The following SLC9A3 variants were observed in gnomAD, a reference collection of about 807,000 sequenced individuals.
SLC9A3 encodes the protein sodium/hydrogen exchanger 3.
In SLC9A3, 37 loss-of-function variants were observed where a neutral mutation model predicts 86.8. The ratio of observed to expected loss-of-function variants is 0.43; its 90% confidence interval spans 0.33 to 0.56. The LOEUF is 0.56. SLC9A3 is among the 20% of genes least tolerant of loss of function. The pLI is 0.06. For missense variants in SLC9A3, 1,011 were observed against 1,171.9 expected (o/e 0.86, Z 2.00); for synonymous variants, 581 against 528.3 (o/e 1.10, Z -1.37).
chr5:477,392 A>G lies in SLC9A3; in HGVS notation c.1700T>C (p.Val567Ala). 1.2e-6 allele frequency: 2 copies of G among 1,613,170 alleles called. No individual in the cohort carries two copies. Among genetic ancestry groups the G allele is most frequent in the Non-Finnish European group, 1.7e-6 (2 of 1,179,800 alleles). ...TCGTGGCGTGAAGTCCACGTTGACC[A>G]CGTTGTCGGTGCTGGGGGAGCGGAT... ...AFIRSPSTDN[V>A]VNVDFTPRSS... The change falls in exon 11 of 17, where the codon GTG (valine) becomes GCG (alanine). Residue 567 changes from valine to alanine, a missense_variant. Physicochemically the swap from Val to Ala is moderately conservative, Grantham distance 64. This residue lies in a region of SLC9A3 where 565 missense variants were observed against 790.0 expected (regional missense o/e 0.72). Transcript: ENST00000264938.
In SLC9A3 at chr5:473,186, G is replaced by T. The variant is rs1349213269; in HGVS notation, c.*193C>A. 8 of 426,180 alleles carry T rather than the reference G, an allele frequency of 1.9e-5. No homozygotes were observed. Among genetic ancestry groups the T allele is most frequent in the Non-Finnish European group, 2.7e-5 (8 of 298,034 alleles). The allele number at this position is 426,180 out of a possible 1,614,324, so 26.4% of individuals were successfully genotyped here. A position where few individuals can be genotyped will look rare whatever the true frequency, so the allele number is the denominator to read the frequency against. On this transcript the variant is annotated 3_prime_UTR_variant, in exon 17 of 17. Coordinates refer to ENST00000264938, the MANE Select transcript of SLC9A3 (RefSeq NM_004174.4). ...CAGGCCCCGCCCCCGGCTCGCCCTC[G>T]GGCGGCTCTGCGGGCGCAGGCGCGG...
At chr5:477,564 C>G in intron 10 of SLC9A3, 120 bp from the exon 11 acceptor site, 1 of 636,008 alleles carries the variant, frequency 1.6e-6, no homozygotes, top group Non-Finnish European at 2.7e-6. Flanking sequence ...GAGACCTGAG[C>G]CCCGGGTTCA....
At position 491,633 on chromosome 5, in the gene SLC9A3, G is replaced by A. The variant is rs1260422419; in HGVS notation, c.514+136C>T. ...CTTGGTCACGAGGGCCTACGGGGCTGCCAGCCACGTTTCTCACCTGACACT... is the reference window on the plus strand; with the variant it reads ...CTTGGTCACGAGGGCCTACGGGGCTACCAGCCACGTTTCTCACCTGACACT... On this transcript the variant is annotated intron_variant, in intron 2 of 16. Coordinates refer to ENST00000264938, the MANE Select transcript of SLC9A3 (RefSeq NM_004174.4). The surrounding 1 kb of genome is among the most constrained non-coding windows in gnomAD (Gnocchi z 9.2). 9 of 766,554 alleles carry A rather than the reference G, an allele frequency of 1.2e-5. No homozygotes were observed. The Admixed American group carries it at 2.4e-4, about 20-fold the overall frequency. 47.5% of individuals were successfully genotyped at this position (766,554 alleles called of 1,614,324 possible).
intron 1 of SLC9A3, among the ~76,000 whole-genome samples, chr5:519,659 C>T (rs1321439012): frequency 1.3e-5 from 2 of 152,124 alleles, no homozygotes; most frequent in Non-Finnish European, 1.5e-5. Context: ...ACCCAGACAA[C>T]AAGGAAGCAC....
intron 10 of SLC9A3, chr5:477,811 C>G (rs1280981752): frequency 1.6e-5 from 3 of 193,210 alleles, no homozygotes; most frequent in African/African-American, 2.4e-5. Context: ...TGCAGGAGAC[C>G]CTAAAACTCC....
intron 3 of SLC9A3, among the ~76,000 whole-genome samples, chr5:485,941 A>T (rs1399675630): frequency 1.3e-5 from 2 of 152,022 alleles, no homozygotes; most frequent in Admixed American, 1.3e-4. Context: ...AGGGAAGACA[A>T]CCTCTTGGGA....
At position 484,122 on chromosome 5, in the gene SLC9A3, G is replaced by A. The variant is rs530832231; in HGVS notation, c.932+398C>T. The stretch of plus-strand genomic sequence containing the variant: ...GACCCAGGAGGGTGTGGAGAAGCTC[G>A]GGTTGGGGTCCCCCTGGCTGGCTCG... On this transcript the variant is annotated intron_variant, in intron 5 of 16. Transcript: ENST00000264938. Among the ~76,000 whole-genome samples, 12 of 148,006 alleles carry A rather than the reference G, an allele frequency of 8.1e-5. No homozygotes were observed. In the East Asian group the frequency reaches 1.5e-3, roughly 18 times the overall value.
intron 1 of SLC9A3, among the ~76,000 whole-genome samples, chr5:498,725 G>A (rs1740138460): frequency 6.6e-6 from 1 of 152,204 alleles, no homozygotes; most frequent in Non-Finnish European, 1.5e-5. Flanking sequence ...CCCCTTGCTT[G>A]TGCCCGCCGT....
chr5:502,836 C>T (rs112411303), intron 1 of SLC9A3, among the ~76,000 whole-genome samples: 6 of 142,656 alleles, frequency 4.2e-5, no homozygotes, highest in South Asian at 2.1e-4. Flanking sequence ...CGCCGAAAGC[C>T]GCCGTAATGA....
intron 1 of SLC9A3, among the ~76,000 whole-genome samples, chr5:522,941 G>A (rs1201478493): frequency 6.6e-6 from 1 of 151,946 alleles, no homozygotes; most frequent in Non-Finnish European, 1.5e-5. Flanking sequence ...CTCCCCCCCG[G>A]CCAGCATCCC....
rs1459737959 is a variant in SLC9A3, at chr5:471,406, GCT to G, written c.*1971_*1972del. ...GCGCGGTGGACCGCACGACGCTCCT[GCT>G]CTGTTCTCCCAGGCACAGACAGGCA... On this transcript the variant is annotated 3_prime_UTR_variant, in exon 17 of 17. Transcript: ENST00000264938. The G allele has an allele frequency of 3.2e-6, 1 of 313,700 alleles. No homozygotes were observed. Among genetic ancestry groups the G allele is most frequent in the Admixed American group, 4.6e-5 (1 of 21,526 alleles). 19.4% of individuals were successfully genotyped at this position (313,700 alleles called of 1,614,324 possible). A position where few individuals can be genotyped will look rare whatever the true frequency, so the allele number is the denominator to read the frequency against.
rs1371016808 is a variant in SLC9A3, at chr5:475,075, C to G, written c.2309G>C (p.Arg770Thr). ...CCCGGGAGACAGCCAGGGCGGCAGC[C>G]TGGCCAGGAGGCTGCGGTCCAGGGC... is the stretch of plus-strand genomic sequence containing the variant. The part of the protein sequence containing the change: ...DEALDRSLLA[R>T]LPPWLSPGET... Residue 770 changes from arginine (R) to threonine (T), a missense_variant, in exon 16 of 17, where the codon AGG becomes ACG. By Grantham distance (71) the Arg-to-Thr change is moderately conservative. This residue lies in a region of SLC9A3 where 397 missense variants were observed against 346.3 expected (regional missense o/e 1.15). Coordinates refer to ENST00000264938, the MANE Select transcript of SLC9A3 (RefSeq NM_004174.4). The G allele has an allele frequency of 1.2e-6, 2 of 1,611,712 alleles. No individual in the cohort carries two copies. Among genetic ancestry groups the G allele is most frequent in the Non-Finnish European group, 1.7e-6 (2 of 1,179,444 alleles).
intron 1 of SLC9A3, among the ~76,000 whole-genome samples, chr5:512,406 T>C (rs921450542): frequency 6.6e-6 from 1 of 151,754 alleles, no homozygotes; most frequent in African/African-American, 2.4e-5. Flanking sequence ...CCGTGGACCT[T>C]AATTAATAAT....
intron 10 of SLC9A3, chr5:477,734 C>G (rs953484180): frequency 5.6e-6 from 2 of 359,588 alleles, no homozygotes; most frequent in African/African-American, 4.2e-5. Flanking sequence ...GGTAAAGCTG[C>G]CTGGGACTTG....
At chr5:513,867 T>A (rs1321220949) in intron 1 of SLC9A3, among the ~76,000 whole-genome samples, 1 of 152,236 alleles carries the variant, frequency 6.6e-6, no homozygotes, top group African/African-American at 2.4e-5. Flanking sequence ...CTCCCATTTG[T>A]CAGCACCTCT....
chr5:484,954 C>T (rs1014693257), intron 4 of SLC9A3, among the ~76,000 whole-genome samples, 199 bp downstream of exon 4: 3 of 152,248 alleles, frequency 2.0e-5, no homozygotes, highest in Admixed American at 2.0e-4. Flanking sequence ...CATCCCTGTT[C>T]TGGGAAACAC....
intron 1 of SLC9A3, among the ~76,000 whole-genome samples, chr5:494,071 C>T (rs1176247635): frequency 6.6e-6 from 1 of 152,254 alleles, no homozygotes; most frequent in Admixed American, 6.5e-5. Context: ...GTCCCGTCTG[C>T]TCCAGCTTTC....
rs530136133 is a variant in SLC9A3 at position 487,799 on chromosome 5, CTGGGA to C, written c.675+512_675+516del. Among the ~76,000 whole-genome samples the C allele has an allele frequency of 3.3e-5, 5 of 152,360 alleles. No individual in the cohort carries two copies. The East Asian group carries it at 9.6e-4, about 29-fold the overall frequency. ...TCTCCTGTCTCAGCCTCCCCAGTAG[CTGGGA>C]TTACAGGCGCGTGCCACCACCCCTG... On this transcript the variant is annotated intron_variant, in intron 3 of 16. Coordinates refer to ENST00000264938, the MANE Select transcript of SLC9A3 (RefSeq NM_004174.4).
At chr5:493,933 C>G (rs976784903) in intron 1 of SLC9A3, among the ~76,000 whole-genome samples, 6 of 152,212 alleles carry the variant, frequency 3.9e-5, no homozygotes, top group African/African-American at 1.4e-4. Flanking sequence ...GATAACCAAA[C>G]CAGGGGAGGG....
Sources: gnomAD v4.1 joint callset for allele counts (sites outside exome capture counted in the v4.1 genomes callset) on GRCh38, gnomAD v4.1.1 for gene constraint, gnomAD v4.1.1 regional missense constraint, Gnocchi (gnomAD v3.1) non-coding constraint, MANE v1.5 for transcripts, NCBI Gene and HGNC (gene_info 2026-07-23, HGNC 2026-07-21) for gene names.